Variants in JAKMIP1 observed in about 807,000 individuals in gnomAD.
JAKMIP1 encodes janus kinase and microtubule-interacting protein 1.
A neutral mutation model predicts 113.0 loss-of-function variants in JAKMIP1; 33 were observed. The observed-to-expected ratio is 0.29, with a 90% CI of 0.22 to 0.39. JAKMIP1 has a LOEUF of 0.39. JAKMIP1 is among the 10% of genes least tolerant of loss of function. JAKMIP1 has a pLI of 1.00. For synonymous variants in JAKMIP1, 480 were observed against 459.9 expected (o/e 1.04, Z -0.56); for missense variants, 813 against 1,080.5 (o/e 0.75, Z 3.47).
intron 1 of JAKMIP1, among the ~76,000 whole-genome samples, chr4:6,170,725 CCCATCA>C (rs1275556059): frequency 2.6e-5 from 2 of 78,270 alleles, no homozygotes; most frequent in African/African-American, 7.2e-5. Flanking sequence ...CATCCCCATC[CCCATCA>C]CCACCCTTGC....
In JAKMIP1 at chr4:6,074,552, G is replaced by T. The variant is rs114009251; in HGVS notation, c.1302+4387C>A. 4.9e-3 allele frequency among the ~76,000 whole-genome samples: 742 copies of T among 152,314 alleles called. 5 individuals are homozygous for T. Among genetic ancestry groups the T allele is most frequent in the African/African-American group, 0.017 (712 of 41,562 alleles). On this transcript the variant is annotated intron_variant, in intron 8 of 20. Transcript: ENST00000409021. The stretch of plus-strand genomic sequence containing the variant: ...AGTCTAGTCATCCTGCGGTACCCAT[G>T]GGGGACTGGTTCTAGAACCTCCCAC...
Position 6,040,916 on chromosome 4 carries a change from C to A in JAKMIP1, c.2098-200G>T, listed in dbSNP as rs549548186. On this transcript the variant is annotated intron_variant, in intron 17 of 20. Transcript: ENST00000409021. The surrounding 1 kb of genome is among the most constrained non-coding windows in gnomAD (Gnocchi z 5.8). ...TGACCTGGGGCACCCTTGACAGCCA[C>A]ACCTGGATCCTTGGTGAAGACTATC... 5.3e-5 allele frequency among the ~76,000 whole-genome samples: 8 copies of A among 152,188 alleles called. No homozygotes were observed. The highest frequency in any genetic ancestry group is 1.2e-4 in the Non-Finnish European group (8 of 68,052).
In JAKMIP1 at chr4:6,097,380, T is replaced by C. The variant is rs1303227750; in HGVS notation, c.624+8093A>G. Among the ~76,000 whole-genome samples the C allele has an allele frequency of 6.6e-6, 1 of 152,250 alleles. No homozygotes were observed. The highest frequency in any genetic ancestry group is 1.5e-5 in the Non-Finnish European group (1 of 68,042). ...ACCACTGATACAGTGGAGAAGATAA[T>C]GTGCTCATGGTAACATGTGAGCTTG... On this transcript the variant is annotated intron_variant, in intron 3 of 20. Coordinates refer to ENST00000409021, the MANE Select transcript of JAKMIP1 (RefSeq NM_001099433.2). This position sits in a 1 kb window ranked among gnomAD's most constrained non-coding sequence, Gnocchi z 4.3.
At chr4:6,054,910 T>C (rs1260268016) in intron 12 of JAKMIP1, 3 of 454,640 alleles carry the variant, frequency 6.6e-6, no homozygotes, top group Admixed American at 2.4e-5. Context: ...GGGAGACCTT[T>C]AGAAATGGGA....
intron 1 of JAKMIP1, among the ~76,000 whole-genome samples, chr4:6,149,737 AC>A (rs1360771533): frequency 2.0e-5 from 3 of 151,394 alleles, no homozygotes; most frequent in East Asian, 2.0e-4. Context: ...GCACCTCTTG[AC>A]CCCCCACCAG....
chr4:6,062,540 A>G (rs2108787011), intron 9 of JAKMIP1, 100 bp from the exon 10 acceptor site: 2 of 1,295,512 alleles, frequency 1.5e-6, no homozygotes, highest in South Asian at 2.8e-5. Context: ...AACACTTGCT[A>G]TGGCTTTGAG....
At chr4:6,035,717 C>T (rs1306516575) in intron 19 of JAKMIP1, among the ~76,000 whole-genome samples, 187 bp downstream of exon 19, 1 of 152,242 alleles carries the variant, frequency 6.6e-6, no homozygotes, top group Non-Finnish European at 1.5e-5. Flanking sequence ...CCAAGTGCCC[C>T]ACGTCTTGCC....
rs1719680870 is a variant in JAKMIP1 at position 6,076,256 on chromosome 4, C to A, written c.1302+2683G>T. ...TAGACAAGTTCTACTCAAACCACTT[C>A]CTATTTCTGAGTTTCTAATGTCAAT... On this transcript the variant is annotated intron_variant, in intron 8 of 20. Coordinates refer to ENST00000409021, the MANE Select transcript of JAKMIP1 (RefSeq NM_001099433.2). The surrounding 1 kb of genome is among the most constrained non-coding windows in gnomAD (Gnocchi z 4.8). Among the ~76,000 whole-genome samples, 1 of 152,164 alleles carries A rather than the reference C, an allele frequency of 6.6e-6. No homozygotes were observed. The highest frequency in any genetic ancestry group is 2.4e-5 in the African/African-American group (1 of 41,446).
intron 8 of JAKMIP1, 40 bp downstream of exon 8, chr4:6,078,899 A>C (rs751049589): frequency 6.2e-7 from 1 of 1,610,004 alleles, no homozygotes; most frequent in Non-Finnish European, 8.5e-7. Context: ...GATCCGTGAC[A>C]CAGCGGCAAG....
At chr4:6,082,433 T>G (rs1720712047) in intron 5 of JAKMIP1, among the ~76,000 whole-genome samples, 1 of 151,886 alleles carries the variant, frequency 6.6e-6, no homozygotes, top group Non-Finnish European at 1.5e-5. Flanking sequence ...TGAACCTTTA[T>G]GTAAAGTCAG....
At chr4:6,098,189 G>A (rs969437831) in intron 3 of JAKMIP1, among the ~76,000 whole-genome samples, 7 of 152,198 alleles carry the variant, frequency 4.6e-5, no homozygotes, top group South Asian at 2.1e-4. Flanking sequence ...CCAGCACTTC[G>A]GGATGCCAAG....
chr4:6,052,831 C>T (rs930130318), intron 13 of JAKMIP1, among the ~76,000 whole-genome samples: 8 of 152,110 alleles, frequency 5.3e-5, no homozygotes, highest in Admixed American at 1.3e-4. Context: ...AATGACCTCA[C>T]ATAACTTCCA....
intron 19 of JAKMIP1, among the ~76,000 whole-genome samples, chr4:6,034,554 C>A (rs1258936282): frequency 6.6e-6 from 1 of 152,196 alleles, no homozygotes; most frequent in Non-Finnish European, 1.5e-5. Context: ...ATAATCACAG[C>A]ACTTTGGGAG....
In JAKMIP1 at chr4:6,080,367, A is replaced by G. The variant is rs1720331260; in HGVS notation, c.1102-55T>C. On this transcript the variant is annotated intron_variant, in intron 6 of 20. Coordinates refer to ENST00000409021, the MANE Select transcript of JAKMIP1 (RefSeq NM_001099433.2). The surrounding 1 kb of genome is among the most constrained non-coding windows in gnomAD (Gnocchi z 6.0). ...GGGTTACCCGCCAACAGTGTTTGTT[A>G]GGGACAGTGCTGGAGTGGAGCTCAG... The G allele has an allele frequency of 6.3e-7, 1 of 1,595,180 alleles. No individual in the cohort carries two copies. The highest frequency in any genetic ancestry group is 8.5e-7 in the Non-Finnish European group (1 of 1,170,192).
chr4:6,186,786 ATTG>A lies in JAKMIP1; in HGVS notation c.-148+13464_-148+13466del, dbSNP rs1726699574. 2.0e-5 allele frequency among the ~76,000 whole-genome samples: 3 copies of A among 152,032 alleles called. No homozygotes were observed. Among genetic ancestry groups the A allele is most frequent in the Admixed American group, 6.6e-5 (1 of 15,252 alleles). Reference sequence around the variant, plus strand: ...AAAGTGGGTGTTGACATATTCAACTATTGTTGTTGAATTATCTATTTCTCCCTT... The same window carrying A: ...AAAGTGGGTGTTGACATATTCAACTATTGTTGAATTATCTATTTCTCCCTT... On this transcript the variant is annotated intron_variant, in intron 1 of 20. Transcript: ENST00000409021. The surrounding 1 kb of genome is among the most constrained non-coding windows in gnomAD (Gnocchi z 5.5).
At position 6,138,353 on chromosome 4, in the gene JAKMIP1, T is replaced by A. The variant is rs1719570785; in HGVS notation, c.-147-25356A>T. Among the ~76,000 whole-genome samples the A allele has an allele frequency of 1.3e-5, 2 of 152,260 alleles. No homozygotes were observed. Among genetic ancestry groups the A allele is most frequent in the South Asian group, 4.2e-4 (2 of 4,818 alleles). ...ACCTCTGCCTCCTGGGTTCAAGCGA[T>A]TCTCCTGCCTCAGCTTTCCAAGTAG... On this transcript the variant is annotated intron_variant, in intron 1 of 20. Coordinates refer to ENST00000409021, the MANE Select transcript of JAKMIP1 (RefSeq NM_001099433.2). The surrounding 1 kb of genome is among the most constrained non-coding windows in gnomAD (Gnocchi z 6.0).
In JAKMIP1 at chr4:6,031,748, C is replaced by G. The variant is rs1712695790; in HGVS notation, c.2380-1967G>C. On this transcript the variant is annotated intron_variant, in intron 19 of 20. Coordinates refer to ENST00000409021, the MANE Select transcript of JAKMIP1 (RefSeq NM_001099433.2). The surrounding 1 kb of genome is among the most constrained non-coding windows in gnomAD (Gnocchi z 4.4). ...AACAGAATGGATTCCACGAAGGAGA[C>G]AGAAAAAAAGATGATTCTCTCAGAT... 6.6e-6 allele frequency among the ~76,000 whole-genome samples: 1 copy of G among 152,022 alleles called. No individual in the cohort carries two copies. The highest frequency in any genetic ancestry group is 1.5e-5 in the Non-Finnish European group (1 of 68,006).
chr4:6,092,985 AT>A (rs1722290434), intron 3 of JAKMIP1, among the ~76,000 whole-genome samples: 1 of 152,218 alleles, frequency 6.6e-6, no homozygotes, highest in African/African-American at 2.4e-5. Flanking sequence ...TTATATTTTC[AT>A]TTTGTATTTT....
intron 17 of JAKMIP1, among the ~76,000 whole-genome samples, chr4:6,041,104 G>A (rs571983704): frequency 1.3e-3 from 201 of 152,118 alleles, no homozygotes; most frequent in Admixed American, 2.9e-3. Context: ...CTTCCTTCCT[G>A]CCTGAATTGC....
Sources: gnomAD v4.1 joint callset for allele counts (sites outside exome capture counted in the v4.1 genomes callset) on GRCh38, gnomAD v4.1.1 for gene constraint, Gnocchi (gnomAD v3.1) non-coding constraint, MANE v1.5 for transcripts, NCBI Gene and HGNC (gene_info 2026-07-23, HGNC 2026-07-21) for gene names.